DPP10: variants seen among roughly 807,000 people sequenced by gnomAD.
DPP10 encodes the protein dipeptidyl peptidase like 10, also known as inactive dipeptidyl peptidase 10.
A neutral mutation model predicts 120.9 loss-of-function variants in DPP10; 33 were observed. That is an observed-to-expected ratio of 0.27 (90% CI 0.21 to 0.37). DPP10 has a LOEUF of 0.37. Among genes scored for constraint, DPP10 ranks in the 10% least tolerant of loss-of-function variants. DPP10 has a pLI of 1.00. For missense variants in DPP10, 816 were observed against 942.8 expected, an observed-to-expected ratio of 0.87 and a Z score of 1.76; for synonymous variants, 337 against 326.1, an observed-to-expected ratio of 1.03 and a Z score of -0.36.
intron 3 of DPP10, among the ~76,000 whole-genome samples, chr2:115,371,333 T>G (rs1030279764): frequency 6.6e-6 from 1 of 152,186 alleles, no homozygotes; most frequent in Non-Finnish European, 1.5e-5. Flanking sequence ...AAGGAGTCTC[T>G]TACAAAATGT....
At chr2:115,407,516 A>G (rs1202919395) in intron 3 of DPP10, among the ~76,000 whole-genome samples, 2 of 152,166 alleles carry the variant, frequency 1.3e-5, no homozygotes, top group Non-Finnish European at 2.9e-5. Flanking sequence ...CTCTGTTTGC[A>G]TGACCATTTG....
intron 5 of DPP10, among the ~76,000 whole-genome samples, chr2:115,628,449 T>G (rs560967080): frequency 6.6e-6 from 1 of 152,304 alleles, no homozygotes; most frequent in African/African-American, 2.4e-5. Flanking sequence ...TTGGAAAAAT[T>G]TTCTCCCATT....
At chr2:115,511,408 T>C (rs2077215930) in intron 4 of DPP10, among the ~76,000 whole-genome samples, 1 of 152,122 alleles carries the variant, frequency 6.6e-6, no homozygotes, top group South Asian at 2.1e-4. Context: ...AGGTTGATAC[T>C]GATGCCTCTT....
chr2:115,702,143 G>T (rs1327895896), intron 7 of DPP10, among the ~76,000 whole-genome samples: 1 of 151,980 alleles, frequency 6.6e-6, no homozygotes, highest in African/African-American at 2.4e-5. Flanking sequence ...GAGGAACAAG[G>T]TTAATTTCCT....
At chr2:115,500,895 A>C (rs2076649011) in intron 4 of DPP10, among the ~76,000 whole-genome samples, 1 of 152,006 alleles carries the variant, frequency 6.6e-6, no homozygotes, top group South Asian at 2.1e-4. Flanking sequence ...GGATACTAGA[A>C]AAAAGCCTAG....
At chr2:115,774,251 C>T (rs930408810) in intron 13 of DPP10, among the ~76,000 whole-genome samples, 3 of 150,370 alleles carry the variant, frequency 2.0e-5, no homozygotes, top group African/African-American at 7.4e-5. Context: ...CCAAAATACT[C>T]TGAAAAACAG....
intron 3 of DPP10, among the ~76,000 whole-genome samples, chr2:115,439,881 A>T (rs1357940062): frequency 6.6e-6 from 1 of 152,114 alleles, no homozygotes; most frequent in East Asian, 1.9e-4. Context: ...CTGGATAAAC[A>T]TTTTAGACCA....
chr2:115,803,851 G>A (rs1365351318), intron 19 of DPP10, among the ~76,000 whole-genome samples: 1 of 152,058 alleles, frequency 6.6e-6, no homozygotes, highest in Non-Finnish European at 1.5e-5. Context: ...TTTCTCTCTG[G>A]CTGCCCTTAA....
chr2:115,060,567 G>T (rs747046236), intron 1 of DPP10, among the ~76,000 whole-genome samples: 5 of 152,088 alleles, frequency 3.3e-5, no homozygotes, highest in Non-Finnish European at 5.9e-5. Context: ...ATTCCAACCT[G>T]GGCAACACAG....
At chr2:114,498,455 C>T (rs1045474705) in intron 1 of DPP10, among the ~76,000 whole-genome samples, 1 of 152,166 alleles carries the variant, frequency 6.6e-6, no homozygotes, top group Non-Finnish European at 1.5e-5. Context: ...TATCTTCTGT[C>T]TTAGTCTGTT....
intron 2 of DPP10, among the ~76,000 whole-genome samples, chr2:115,340,261 T>C (rs1018441630): frequency 4.6e-5 from 7 of 152,152 alleles, no homozygotes; most frequent in Non-Finnish European, 8.8e-5. Flanking sequence ...TAATCATTAA[T>C]CTTATAGGTA....
chr2:115,672,644 C>G (rs1429271044), intron 5 of DPP10, among the ~76,000 whole-genome samples: 1 of 136,284 alleles, frequency 7.3e-6, no homozygotes, highest in African/African-American at 2.7e-5. Context: ...TTCTTTCTTT[C>G]TCTCTCTCTT....
intron 4 of DPP10, among the ~76,000 whole-genome samples, chr2:115,519,217 G>T (rs2077663464): frequency 6.6e-6 from 1 of 151,976 alleles, no homozygotes; most frequent in Admixed American, 6.6e-5. Flanking sequence ...ATGTTTTAGT[G>T]TATGGCCTAT....
intron 5 of DPP10, among the ~76,000 whole-genome samples, chr2:115,620,859 A>G (rs977452468): frequency 6.6e-6 from 1 of 152,240 alleles, no homozygotes; most frequent in African/African-American, 2.4e-5. Context: ...AGCAGTACCC[A>G]TAGTTACCCC....
intron 1 of DPP10, among the ~76,000 whole-genome samples, chr2:114,752,725 G>A (rs1679355978): frequency 6.6e-6 from 1 of 152,176 alleles, no homozygotes; most frequent in Non-Finnish European, 1.5e-5. Context: ...GTTACTCATA[G>A]GACTGGTACC....
At chr2:115,030,308 A>G (rs1703750415) in intron 1 of DPP10, among the ~76,000 whole-genome samples, 1 of 152,090 alleles carries the variant, frequency 6.6e-6, no homozygotes, top group South Asian at 2.1e-4. Flanking sequence ...TGTTTTAGGC[A>G]TAATGGTAAG....
chr2:115,454,803 C>T (rs918612729), intron 3 of DPP10, among the ~76,000 whole-genome samples: 1 of 151,628 alleles, frequency 6.6e-6, no homozygotes, highest in South Asian at 2.1e-4. Flanking sequence ...TCTCAGATGA[C>T]ATGATCCTTT....
At chr2:115,457,456 A>G (rs1417282186) in intron 3 of DPP10, among the ~76,000 whole-genome samples, 4 of 152,248 alleles carry the variant, frequency 2.6e-5, no homozygotes, top group Middle Eastern at 6.8e-3. Flanking sequence ...GAATTTGCAA[A>G]CCTTATATTT....
At chr2:114,577,560 G>A (rs1313300104) in intron 1 of DPP10, among the ~76,000 whole-genome samples, 1 of 152,146 alleles carries the variant, frequency 6.6e-6, no homozygotes, top group African/African-American at 2.4e-5. Context: ...AAGCACCATG[G>A]CCCTATGCTC....
Sources: gnomAD v4.1 joint callset for allele counts (sites outside exome capture counted in the v4.1 genomes callset) on GRCh38, gnomAD v4.1.1 for gene constraint, MANE v1.5 for transcripts, NCBI Gene and HGNC (gene_info 2026-07-23, HGNC 2026-07-21) for gene names.